Variants in PRDM16 observed in about 807,000 individuals in gnomAD.
PRDM16 encodes histone-lysine N-methyltransferase PRDM16.
PRDM16 carries 23 observed loss-of-function variants against 110.6 expected under a neutral mutation model. That is an observed-to-expected ratio of 0.21 (90% confidence interval 0.15 to 0.29). The LOEUF (loss-of-function observed/expected upper bound fraction) is 0.29. Ranked by LOEUF, PRDM16 falls within the 10% of genes least tolerant of loss-of-function variation. The probability of loss-of-function intolerance (pLI) is 1.00; values close to 1 mark genes in which losing one functional copy is unlikely to be tolerated. For missense variants in PRDM16, 1,615 were observed against 1,794.3 expected, an observed-to-expected ratio of 0.90 and a Z score of 1.81; for synonymous variants, 799 against 781.8, an observed-to-expected ratio of 1.02 and a Z score of -0.37.
In PRDM16 at chr1:3,412,143, T is replaced by C; in HGVS notation, c.1946T>C (p.Phe649Ser). ...AAGTCCGCCGAGGGCCAGCCCAAGT[T>C]TGGGGGCGGCTTGGCGCCCCCGGGG... ...KGKSAEGQPK[F>S]GGGLAPPGAP... Residue 649 changes from phenylalanine to serine, a missense_variant, in exon 9 of 17, where the codon TTT becomes TCT. Coordinates refer to ENST00000270722, the MANE Select transcript of PRDM16 (RefSeq NM_022114.4). The C allele has an allele frequency of 6.4e-7, 1 of 1,562,542 alleles. No homozygotes were observed. The highest frequency in any genetic ancestry group is 1.2e-5 in the South Asian group (1 of 83,020).
chr1:3,197,269 C>T (rs1638504469), intron 2 of PRDM16, among the ~76,000 whole-genome samples: 1 of 152,178 alleles, frequency 6.6e-6, no homozygotes, highest in South Asian at 2.1e-4. Context: ...GGTCCCGACC[C>T]CCAGGCGGGC....
intron 3 of PRDM16, among the ~76,000 whole-genome samples, chr1:3,383,694 G>A (rs1043227128): frequency 6.6e-6 from 1 of 152,114 alleles, no homozygotes; most frequent in African/African-American, 2.4e-5. Flanking sequence ...CCGGGAGAGT[G>A]CATGCCGAGC....
At chr1:3,355,359 G>A (rs927904443) in intron 3 of PRDM16, among the ~76,000 whole-genome samples, 4 of 152,082 alleles carry the variant, frequency 2.6e-5, no homozygotes, top group Non-Finnish European at 4.4e-5. Flanking sequence ...AATTAATTGC[G>A]CCTGCTCTTC....
rs1375342929 is a variant in PRDM16, at chr1:3,148,723, G to GAAT, written c.38-37401_38-37399dup. Among the ~76,000 whole-genome samples the GAAT allele has an allele frequency of 6.6e-6, 1 of 152,244 alleles. No homozygotes were observed. The highest frequency in any genetic ancestry group is 2.4e-5 in the African/African-American group (1 of 41,466). On this transcript the variant is annotated intron_variant, in intron 1 of 16. Transcript: ENST00000270722. This position sits in a 1 kb window ranked among gnomAD's most constrained non-coding sequence, Gnocchi z 5.0. ...CAGCGGCCCAAAGCCAAAGGGTGGT[G>GAAT]AATCTGGGCACTGCCTGGGACCATG...
At chr1:3,121,830 G>A (rs563452287) in intron 1 of PRDM16, among the ~76,000 whole-genome samples, 36 of 152,286 alleles carry the variant, frequency 2.4e-4, no homozygotes, top group Admixed American at 1.8e-3. Flanking sequence ...TGGGGACCCC[G>A]GAATGTGTGG....
At chr1:3,072,680 C>T (rs1641794605) in intron 1 of PRDM16, among the ~76,000 whole-genome samples, 1 of 152,242 alleles carries the variant, frequency 6.6e-6, no homozygotes, top group African/African-American at 2.4e-5. Flanking sequence ...TGGCCCCGTC[C>T]ACCAGTCCCC....
intron 3 of PRDM16, among the ~76,000 whole-genome samples, chr1:3,301,881 C>A (rs1016513840): frequency 6.6e-5 from 10 of 152,166 alleles, no homozygotes; most frequent in Non-Finnish European, 1.5e-4. Flanking sequence ...CTCCTGACGC[C>A]CCCTGTTTGA....
intron 3 of PRDM16, among the ~76,000 whole-genome samples, chr1:3,259,584 G>GC (rs1002379027): frequency 5.3e-5 from 8 of 152,240 alleles, no homozygotes; most frequent in South Asian, 2.1e-4. Context: ...GGCAAATCAG[G>GC]CCCCCCCAAG....
intron 1 of PRDM16, among the ~76,000 whole-genome samples, chr1:3,180,437 G>T (rs1267713152): frequency 6.6e-6 from 1 of 152,120 alleles, no homozygotes; most frequent in African/African-American, 2.4e-5. Flanking sequence ...AGGCCAGCCT[G>T]CCCTTGGCGC....
chr1:3,300,626 C>T (rs1265327737), intron 3 of PRDM16, among the ~76,000 whole-genome samples: 1 of 152,204 alleles, frequency 6.6e-6, no homozygotes, highest in African/African-American at 2.4e-5. Flanking sequence ...AACTGGGGTG[C>T]GTTTGTGCCA....
At chr1:3,401,939 A>G (rs1477499200) in intron 5 of PRDM16, among the ~76,000 whole-genome samples, 2 of 152,242 alleles carry the variant, frequency 1.3e-5, no homozygotes, top group African/African-American at 2.4e-5. Context: ...ACACATGCAC[A>G]TGAGTACCCA....
At chr1:3,271,175 C>A (rs996101882) in intron 3 of PRDM16, among the ~76,000 whole-genome samples, 25 of 152,212 alleles carry the variant, frequency 1.6e-4, no homozygotes, top group African/African-American at 5.8e-4. Flanking sequence ...CCCCGGACGC[C>A]TCCAGGTCAG....
At chr1:3,305,818 T>C (rs941549819) in intron 3 of PRDM16, among the ~76,000 whole-genome samples, 1 of 152,238 alleles carries the variant, frequency 6.6e-6, no homozygotes, top group Non-Finnish European at 1.5e-5. Flanking sequence ...AGATCCAGGA[T>C]GCGAGAAGGG....
intron 4 of PRDM16, among the ~76,000 whole-genome samples, chr1:3,389,727 C>G (rs527412120): frequency 6.6e-6 from 1 of 152,366 alleles, no homozygotes; most frequent in East Asian, 1.9e-4. Context: ...CCTGAAGCGG[C>G]GCAGGCTCTC....
rs541052213 is a variant in PRDM16, at chr1:3,391,424, A to G, written c.574-5067A>G. Among the ~76,000 whole-genome samples, 34 of 152,258 alleles carry G rather than the reference A, an allele frequency of 2.2e-4. No homozygotes were observed. In the East Asian group the frequency reaches 3.7e-3, roughly 16 times the overall value. On this transcript the variant is annotated intron_variant, in intron 4 of 16. Coordinates refer to ENST00000270722, the MANE Select transcript of PRDM16 (RefSeq NM_022114.4). The stretch of plus-strand genomic sequence containing the variant: ...ACCGCTACGCAAACCACCTGTCAGG[A>G]TTTGTATATTCCTTTCCTGCTCGTT...
chr1:3,165,801 C>A (rs1643948473), intron 1 of PRDM16, among the ~76,000 whole-genome samples: 1 of 80,676 alleles, frequency 1.2e-5, no homozygotes, highest in Admixed American at 1.2e-4. Context: ...AGGGACTCAC[C>A]AGGGCTCAGG....
chr1:3,316,585 A>G (rs1641606920), intron 3 of PRDM16, among the ~76,000 whole-genome samples: 1 of 152,254 alleles, frequency 6.6e-6, no homozygotes, highest in African/African-American at 2.4e-5. Context: ...GATACAGGGT[A>G]GACAGGAAAC....
intron 3 of PRDM16, among the ~76,000 whole-genome samples, chr1:3,287,312 A>AGGC: frequency 2.2e-5 from 3 of 134,316 alleles, no homozygotes; most frequent in Non-Finnish European, 4.7e-5. Context: ...CCGGGGCTGG[A>AGGC]GCCGCCCCGC....
At chr1:3,133,985 C>A (rs979096944) in intron 1 of PRDM16, among the ~76,000 whole-genome samples, 10 of 152,214 alleles carry the variant, frequency 6.6e-5, no homozygotes, top group African/African-American at 1.9e-4. Context: ...TAGAGTTTTA[C>A]TTTCCTCCCC....
Sources: allele counts gnomAD v4.1 joint callset (sites outside exome capture counted in the v4.1 genomes callset), GRCh38; gene constraint gnomAD v4.1.1; non-coding constraint Gnocchi (gnomAD v3.1); transcripts MANE v1.5; gene names NCBI Gene and HGNC (gene_info 2026-07-23, HGNC 2026-07-21).